CAPN14: variants seen among roughly 807,000 people sequenced by gnomAD.
CAPN14 encodes calpain 14, also known as calpain-14.
CAPN14 carries 94 observed loss-of-function variants against 101.3 expected under a neutral mutation model. That is an observed-to-expected ratio of 0.93 (90% confidence interval 0.79 to 1.10). The LOEUF (loss-of-function observed/expected upper bound fraction) is 1.10, where lower values mean the gene tolerates loss of function less well. CAPN14 is among the 50% of genes least tolerant of loss of function. CAPN14 has a pLI of 0.00. For missense variants in CAPN14, 837 were observed against 828.4 expected (o/e 1.01, Z -0.13); for synonymous variants, 338 against 317.9 (o/e 1.06, Z -0.67).
chr2:31,233,313 A>C (rs2148713100), intron 1 of CAPN14, among the ~76,000 whole-genome samples: 1 of 152,270 alleles, frequency 6.6e-6, no homozygotes, highest in Non-Finnish European at 1.5e-5. Flanking sequence ...TCTGCCTTGG[A>C]CACACCAAGT....
intron 10 of CAPN14, 25 bp downstream of exon 10, chr2:31,193,106 G>A: frequency 6.5e-7 from 1 of 1,542,006 alleles, no homozygotes; most frequent in South Asian, 1.2e-5. Flanking sequence ...CACCCTGAGA[G>A]CCCTGCTCCT....
chr2:31,198,012 A>G (rs952141064), intron 7 of CAPN14, among the ~76,000 whole-genome samples: 1 of 152,198 alleles, frequency 6.6e-6, no homozygotes, highest in Middle Eastern at 3.2e-3. Flanking sequence ...TTTTGTGGCA[A>G]CCCTAGGAAA....
chr2:31,200,467 C>A lies in CAPN14; in HGVS notation c.710G>T (p.Cys237Phe), dbSNP rs1282850615. ...EATYNRTLIGCQTHSGEKILE... is the reference protein window; with the variant it reads ...EATYNRTLIGFQTHSGEKILE... The stretch of plus-strand genomic sequence containing the variant: ...CAGTCTCACCCCTGAGTGGGTCTGG[C>A]AGCCAATGAGGGTTCTGTTGTAGGT... Residue 237 changes from cysteine (C) to phenylalanine (F), a missense_variant, in exon 6 of 22, where the codon TGC becomes TTC. Cys to Phe is a radical substitution (Grantham distance 205). Transcript: ENST00000403897. The A allele has an allele frequency of 5.8e-6, 9 of 1,549,532 alleles. No homozygotes were observed. The highest frequency in any genetic ancestry group is 7.0e-6 in the Non-Finnish European group (8 of 1,146,628).
At chr2:31,187,713 C>A (rs138060261) in intron 15 of CAPN14, 45 bp downstream of exon 15, 23 of 1,482,448 alleles carry the variant, frequency 1.6e-5, no homozygotes, top group Non-Finnish European at 2.1e-5. Flanking sequence ...AGCTCCACTT[C>A]GTCCCCTGCT....
At chr2:31,207,136 CG>C (rs1208547402) in intron 1 of CAPN14, among the ~76,000 whole-genome samples, 6 of 152,156 alleles carry the variant, frequency 3.9e-5, no homozygotes, top group Admixed American at 3.9e-4. Context: ...AAAAGTAACT[CG>C]CAAATGTGCT....
At chr2:31,182,027 G>C (rs9798047) in intron 16 of CAPN14, among the ~76,000 whole-genome samples, 49,785 of 151,150 alleles carry the variant, frequency 0.33, 9,665 homozygotes, top group African/African-American at 0.54. Context: ...TAGTCCTTTG[G>C]GTATATAGCC....
In CAPN14 at chr2:31,177,083, G is replaced by A. The variant is rs1242919002; in HGVS notation, c.1915C>T (p.Leu639Phe). The A allele has an allele frequency of 5.8e-6, 9 of 1,551,384 alleles. No individual in the cohort carries two copies. The highest frequency in any genetic ancestry group is 7.0e-6 in the Non-Finnish European group (8 of 1,146,900). The change falls in exon 20 of 22, where the codon CTC becomes TTC. Residue 639 changes from leucine (L) to phenylalanine (F), a missense_variant. Coordinates refer to ENST00000403897, the MANE Select transcript of CAPN14 (RefSeq NM_001145122.2). ...ATGAAACTGACAAAGTCCATCTGGA[G>A]GCGGGGGCCGCCGTAGCGGATGAGC... ...LMLIRYGGPR[L>F]QMDFVSFIHL...
intron 8 of CAPN14, among the ~76,000 whole-genome samples, chr2:31,195,659 G>A (rs1424766528): frequency 6.6e-6 from 1 of 152,144 alleles, no homozygotes; most frequent in Non-Finnish European, 1.5e-5. Flanking sequence ...TGAATACATG[G>A]AATCTTTACT....
intron 2 of CAPN14, among the ~76,000 whole-genome samples, 193 bp downstream of exon 2, chr2:31,205,030 G>A (rs1338604012): frequency 6.6e-6 from 1 of 152,146 alleles, no homozygotes; most frequent in Non-Finnish European, 1.5e-5. Flanking sequence ...ATACCCAGAT[G>A]GTGGCCACCA....
intron 1 of CAPN14, among the ~76,000 whole-genome samples, chr2:31,212,546 GA>G (rs1436045357): frequency 6.6e-6 from 1 of 152,094 alleles, no homozygotes; most frequent in Non-Finnish European, 1.5e-5. Context: ...AACCATCTCT[GA>G]AGCAGTTGAG....
chr2:31,177,922 G>A, intron 18 of CAPN14, 101 bp from the exon 19 acceptor site: 1 of 802,478 alleles, frequency 1.2e-6, no homozygotes, highest in East Asian at 2.7e-5. Flanking sequence ...GGCTGTTGAA[G>A]ATATCTGAGG....
At chr2:31,182,801 C>T (rs977272197) in intron 16 of CAPN14, among the ~76,000 whole-genome samples, 3 of 151,738 alleles carry the variant, frequency 2.0e-5, no homozygotes, top group Admixed American at 1.3e-4. Context: ...CATCAAGCTA[C>T]CAATGACTTT....
Position 31,177,096 on chromosome 2 carries a change from G to A in CAPN14, c.1902C>T (p.Tyr634=), listed in dbSNP as rs776502839. 3.1e-5 allele frequency: 48 copies of A among 1,551,322 alleles called. No individual in the cohort carries two copies. In the East Asian group the frequency reaches 7.1e-4, roughly 23 times the overall value. Residue 634 remains tyrosine (Y), a synonymous_variant, in exon 20 of 22, where the codon TAC becomes TAT. Coordinates refer to ENST00000403897, the MANE Select transcript of CAPN14 (RefSeq NM_001145122.2). ...DDVCQLMLIR[Y]GGPRLQMDFV... ...AGTCCATCTGGAGGCGGGGGCCGCC[G>A]TAGCGGATGAGCATCAGCTGACAGA...
chr2:31,215,815 A>G (rs1017751125), intron 1 of CAPN14, among the ~76,000 whole-genome samples: 2 of 150,340 alleles, frequency 1.3e-5, no homozygotes, highest in African/African-American at 4.9e-5. Context: ...AAACTTTTGG[A>G]AAAAGTAAGT....
chr2:31,211,646 T>A (rs1682406749), intron 1 of CAPN14, among the ~76,000 whole-genome samples: 1 of 147,356 alleles, frequency 6.8e-6, no homozygotes, highest in African/African-American at 2.5e-5. Flanking sequence ...GGCCCCAATA[T>A]TATTAAATGA....
intron 7 of CAPN14, among the ~76,000 whole-genome samples, chr2:31,198,285 C>T (rs939763484): frequency 6.6e-6 from 1 of 152,162 alleles, no homozygotes; most frequent in Non-Finnish European, 1.5e-5. Flanking sequence ...CCTTTCCAGA[C>T]GGAATCAAAT....
intron 1 of CAPN14, among the ~76,000 whole-genome samples, chr2:31,205,768 C>G (rs373161899): frequency 3.3e-5 from 5 of 151,976 alleles, no homozygotes; most frequent in African/African-American, 9.7e-5. Context: ...AGTCCTGGGC[C>G]CCTGACTGCA....
chr2:31,204,754 C>T (rs756505443), intron 2 of CAPN14, among the ~76,000 whole-genome samples: 1 of 152,170 alleles, frequency 6.6e-6, no homozygotes, highest in Admixed American at 6.5e-5. Flanking sequence ...CATCTGCATC[C>T]TTTGTCATAC....
intron 1 of CAPN14, among the ~76,000 whole-genome samples, chr2:31,213,608 G>A (rs1464366637): frequency 6.6e-6 from 1 of 152,232 alleles, no homozygotes; most frequent in Non-Finnish European, 1.5e-5. Context: ...AATGTGGTTG[G>A]TTGAATCCAT....
Sources: gnomAD v4.1 joint callset for allele counts (sites outside exome capture counted in the v4.1 genomes callset) on GRCh38, gnomAD v4.1.1 for gene constraint, MANE v1.5 for transcripts, NCBI Gene and HGNC (gene_info 2026-07-23, HGNC 2026-07-21) for gene names.